PDE10A: variants seen among roughly 807,000 people sequenced by gnomAD.
PDE10A encodes the protein cAMP and cAMP-inhibited cGMP 3',5'-cyclic phosphodiesterase 10A.
Under a neutral mutation model 97.7 loss-of-function variants are expected in PDE10A, and 39 were observed. The observed-to-expected ratio is 0.40, with a 90% CI of 0.31 to 0.52. PDE10A has a LOEUF of 0.52. PDE10A is among the 20% of genes least tolerant of loss of function. PDE10A has a pLI of 0.56. For synonymous variants in PDE10A, 371 were observed against 376.8 expected, an observed-to-expected ratio of 0.98 and a Z score of 0.18; for missense variants, 731 against 1,047.8, an observed-to-expected ratio of 0.70 and a Z score of 4.17.
intron 1 of PDE10A, among the ~76,000 whole-genome samples, chr6:165,815,895 T>C (rs181962462): frequency 6.6e-6 from 1 of 152,094 alleles, no homozygotes; most frequent in African/African-American, 2.4e-5. Flanking sequence ...GCAACTGAGT[T>C]GCCTCGTGAC....
At chr6:165,553,047 A>G (rs1175013729) in intron 1 of PDE10A, among the ~76,000 whole-genome samples, 6 of 152,172 alleles carry the variant, frequency 3.9e-5, no homozygotes, top group South Asian at 2.1e-4. Flanking sequence ...CCCAAAGCCT[A>G]CATGAGATTC....
intron 1 of PDE10A, among the ~76,000 whole-genome samples, chr6:165,556,037 G>GA (rs1242222878): frequency 1.8e-4 from 28 of 152,186 alleles, no homozygotes; most frequent in Non-Finnish European, 2.6e-4. Flanking sequence ...AAATTTTTAA[G>GA]AAAAAAATCA....
intron 2 of PDE10A, among the ~76,000 whole-genome samples, chr6:165,495,353 A>C (rs1780475379): frequency 6.6e-6 from 1 of 151,984 alleles, no homozygotes; most frequent in South Asian, 2.1e-4. Context: ...GTGGAGGGGA[A>C]AGGGAGAGAG....
Position 165,619,552 on chromosome 6 carries a change from G to C in PDE10A, c.865+42395C>G, listed in dbSNP as rs1169794810. 7.5e-5 allele frequency among the ~76,000 whole-genome samples: 8 copies of C among 107,126 alleles called. 1 individual carries two copies. The highest frequency in any genetic ancestry group is 2.4e-4 in the East Asian group (1 of 4,168). 70.3% of individuals were successfully genotyped at this position (107,126 alleles called of 152,430 possible). On this transcript the variant is annotated intron_variant, in intron 1 of 21. Coordinates refer to ENST00000539869, the MANE Select transcript of PDE10A (RefSeq NM_001385079.1). The stretch of plus-strand genomic sequence containing the variant: ...GTGTAGTCTAATGTAGTGTAGTGTA[G>C]TCTAGTGTAGTATACTGTAGTCTAG...
At chr6:165,862,027 T>C (rs997004678) in intron 1 of PDE10A, among the ~76,000 whole-genome samples, 1 of 152,206 alleles carries the variant, frequency 6.6e-6, no homozygotes, top group African/African-American at 2.4e-5. Context: ...GGTCTGTGGC[T>C]CTGAGTCTCC....
intron 1 of PDE10A, among the ~76,000 whole-genome samples, chr6:165,927,683 T>A (rs1299636084): frequency 1.1e-4 from 9 of 82,960 alleles, no homozygotes; most frequent in African/African-American, 3.0e-4. Context: ...TATATAGTTT[T>A]TTGTTTGTTT....
chr6:165,910,257 G>A (rs890024337), intron 1 of PDE10A, among the ~76,000 whole-genome samples: 4 of 152,188 alleles, frequency 2.6e-5, no homozygotes, highest in African/African-American at 9.6e-5. Context: ...TTCATGAATA[G>A]GATGCTAGTG....
At chr6:165,657,418 G>A (rs1441394822) in intron 1 of PDE10A, among the ~76,000 whole-genome samples, 2 of 152,228 alleles carry the variant, frequency 1.3e-5, no homozygotes, top group African/African-American at 4.8e-5. Context: ...CCTTTTAAGG[G>A]AAAATATTCG....
chr6:165,694,190 A>C lies in PDE10A; in HGVS notation c.-614-150622T>G, dbSNP rs570559489. 8.9e-4 allele frequency among the ~76,000 whole-genome samples: 135 copies of C among 152,356 alleles called. 2 individuals are homozygous for C. The highest frequency in any genetic ancestry group is 1.2e-3 in the South Asian group (6 of 4,828). ...ACGTATATCTCATCATAAGTTAATT[A>C]GATGCAGAGACAAATTTACAAAATC... is the stretch of plus-strand genomic sequence containing the variant. On this transcript the variant is annotated intron_variant, in intron 1 of 19. Transcript: ENST00000366882.
chr6:165,809,603 C>A (rs982396795), intron 1 of PDE10A, among the ~76,000 whole-genome samples: 3 of 152,162 alleles, frequency 2.0e-5, no homozygotes, highest in Non-Finnish European at 4.4e-5. Context: ...CATGAGTTTT[C>A]TGAGTGGCCA....
chr6:165,967,903 C>G (rs560565205), intron 1 of PDE10A, among the ~76,000 whole-genome samples: 1 of 152,212 alleles, frequency 6.6e-6, no homozygotes, highest in Non-Finnish European at 1.5e-5. Flanking sequence ...CACAATAGCA[C>G]TCCCCAAAAC....
In PDE10A at chr6:165,640,274, TTC is replaced by T. The variant is rs1428361093; in HGVS notation, c.865+21671_865+21672del. ...AAAATTTTTTAAAAATTGCCTGCCT[TTC>T]TGTTTCTGTTTACTTATTAGATACA... On this transcript the variant is annotated intron_variant, in intron 1 of 21. Transcript: ENST00000539869. 4.0e-5 allele frequency among the ~76,000 whole-genome samples: 6 copies of T among 151,830 alleles called. No homozygotes were observed. In the East Asian group the frequency reaches 1.2e-3, roughly 29 times the overall value.
At chr6:165,925,687 A>G (rs539924248) in intron 1 of PDE10A, among the ~76,000 whole-genome samples, 1 of 152,362 alleles carries the variant, frequency 6.6e-6, no homozygotes, top group East Asian at 1.9e-4. Context: ...AGGGAGAACT[A>G]AAAAACAGAT....
chr6:165,369,464 GAAGA>G (rs1272657609), intron 18 of PDE10A, among the ~76,000 whole-genome samples: 1 of 150,610 alleles, frequency 6.6e-6, no homozygotes, highest in East Asian at 1.9e-4. Flanking sequence ...CGATCAACTG[GAAGA>G]AAGGGTATCA....
chr6:165,871,634 T>C (rs1781206748), intron 1 of PDE10A, among the ~76,000 whole-genome samples: 1 of 152,240 alleles, frequency 6.6e-6, no homozygotes, highest in Non-Finnish European at 1.5e-5. Context: ...GGGAGATGTC[T>C]GGCGAAAGTC....
At chr6:165,956,734 A>C (rs553536935) in intron 1 of PDE10A, among the ~76,000 whole-genome samples, 4 of 152,338 alleles carry the variant, frequency 2.6e-5, no homozygotes, top group Middle Eastern at 3.4e-3. Flanking sequence ...TCTCTCTGAC[A>C]TGTCTCTGAC....
At chr6:165,585,929 C>T (rs372859352) in intron 1 of PDE10A, among the ~76,000 whole-genome samples, 25 of 152,130 alleles carry the variant, frequency 1.6e-4, no homozygotes, top group African/African-American at 6.0e-4. Context: ...CTTGAAGCTG[C>T]TTGCTATGTG....
At chr6:165,624,825 A>T (rs1788305756) in intron 1 of PDE10A, among the ~76,000 whole-genome samples, 1 of 152,244 alleles carries the variant, frequency 6.6e-6, no homozygotes, top group African/African-American at 2.4e-5. Context: ...TTTTGAAGAA[A>T]AATAAAGGTC....
At chr6:165,348,730 C>T (rs1782482882) in intron 18 of PDE10A, among the ~76,000 whole-genome samples, 2 of 152,180 alleles carry the variant, frequency 1.3e-5, no homozygotes, top group African/African-American at 2.4e-5. Context: ...CCATAATCTC[C>T]ACATGTTGTG....
Sources: gnomAD v4.1 joint callset for allele counts (sites outside exome capture counted in the v4.1 genomes callset) on GRCh38, gnomAD v4.1.1 for gene constraint, MANE v1.5 for transcripts, NCBI Gene and HGNC (gene_info 2026-07-23, HGNC 2026-07-21) for gene names.